INPP5D: variants seen among roughly 807,000 people sequenced by gnomAD.
INPP5D encodes inositol polyphosphate-5-phosphatase D, also known as phosphatidylinositol 3,4,5-trisphosphate 5-phosphatase 1.
A neutral mutation model predicts 122.9 loss-of-function variants in INPP5D; 33 were observed. The ratio of observed to expected loss-of-function variants is 0.27; its 90% CI spans 0.20 to 0.36. The LOEUF is 0.36. INPP5D is among the 10% of genes least tolerant of loss of function. The probability of loss-of-function intolerance (pLI) is 1.00; values close to 1 mark genes in which losing one functional copy is unlikely to be tolerated. For missense variants in INPP5D, 1,053 were observed against 1,412.7 expected (o/e 0.75, Z 4.08); for synonymous variants, 584 against 576.2 (o/e 1.01, Z -0.19).
intron 5 of INPP5D, among the ~76,000 whole-genome samples, chr2:233,133,301 G>A (rs900757881): frequency 6.6e-6 from 1 of 152,162 alleles, no homozygotes; most frequent in Admixed American, 6.5e-5. Flanking sequence ...CATTGGGTGG[G>A]AGAGTGCCAG....
chr2:233,093,697 A>G (rs78469546), intron 2 of INPP5D, among the ~76,000 whole-genome samples: 4 of 151,994 alleles, frequency 2.6e-5, no homozygotes, highest in African/African-American at 7.2e-5. Context: ...AAAAAAAAAA[A>G]AGACTTTATG....
At chr2:233,150,730 G>A (rs920961545) in intron 9 of INPP5D, among the ~76,000 whole-genome samples, 17 of 152,202 alleles carry the variant, frequency 1.1e-4, no homozygotes, top group African/African-American at 4.1e-4. Context: ...ATTTGCTGTG[G>A]AGAAGGGAAC....
intron 25 of INPP5D, among the ~76,000 whole-genome samples, chr2:233,200,761 C>A (rs770325448): frequency 1.5e-4 from 23 of 152,048 alleles, no homozygotes; most frequent in Non-Finnish European, 2.5e-4. Context: ...GAGTTTGAGA[C>A]CAGCCTGACC....
At position 233,170,120 on chromosome 2, in the gene INPP5D, T is replaced by C. The variant is rs765484253; in HGVS notation, c.1747T>C (p.Phe583Leu). ...CATCACTCACCGCTTCACGCACCTC[T>C]TCTGGTTTGGGGATCTTAACTACCG... is the stretch of plus-strand genomic sequence containing the variant. ...FNITHRFTHL[F>L]WFGDLNYRVD... The change falls in exon 15 of 27, where the codon TTC becomes CTC. Residue 583 changes from phenylalanine to leucine, a missense_variant. By Grantham distance (22) the Phe-to-Leu change is conservative. Coordinates refer to ENST00000445964, the MANE Select transcript of INPP5D (RefSeq NM_001017915.3). This position sits in a 1 kb window ranked among gnomAD's most constrained non-coding sequence, Gnocchi z 4.5. 1 of 1,614,060 alleles carries C rather than the reference T, an allele frequency of 6.2e-7. No individual in the cohort carries two copies. The highest frequency in any genetic ancestry group is 8.5e-7 in the Non-Finnish European group (1 of 1,179,902).
At chr2:233,083,596 T>C (rs1238038315) in intron 2 of INPP5D, among the ~76,000 whole-genome samples, 2 of 152,186 alleles carry the variant, frequency 1.3e-5, no homozygotes, top group South Asian at 4.2e-4. Context: ...CTTTCTTGAC[T>C]TGGAAAGGGA....
At chr2:233,081,201 G>A (rs1222054947) in intron 2 of INPP5D, among the ~76,000 whole-genome samples, 1 of 152,184 alleles carries the variant, frequency 6.6e-6, no homozygotes, top group Non-Finnish European at 1.5e-5. Context: ...TCTGACAGGG[G>A]CTCTTCACCA....
chr2:233,066,664 T>C (rs1366318147), intron 1 of INPP5D, among the ~76,000 whole-genome samples: 1 of 152,224 alleles, frequency 6.6e-6, no homozygotes, highest in East Asian at 1.9e-4. Context: ...TGGAGTGCAG[T>C]GGCATGATCT....
intron 22 of INPP5D, among the ~76,000 whole-genome samples, chr2:233,191,805 G>T (rs771535390): frequency 1.3e-5 from 2 of 152,200 alleles, no homozygotes; most frequent in East Asian, 3.8e-4. Context: ...ATTTATCCAC[G>T]TGCTTATTTA....
intron 2 of INPP5D, among the ~76,000 whole-genome samples, chr2:233,085,351 A>C (rs945459620): frequency 3.3e-4 from 50 of 151,314 alleles, no homozygotes; most frequent in African/African-American, 1.1e-3. Flanking sequence ...TCACCACTGC[A>C]CTCCAGCTGG....
chr2:233,088,466 C>T (rs1484832623), intron 2 of INPP5D, among the ~76,000 whole-genome samples: 1 of 152,232 alleles, frequency 6.6e-6, no homozygotes, highest in East Asian at 1.9e-4. Flanking sequence ...AGCCACATTT[C>T]CAGAGAAGGC....
intron 2 of INPP5D, among the ~76,000 whole-genome samples, chr2:233,109,799 G>A (rs1692567569): frequency 6.6e-6 from 1 of 150,630 alleles, no homozygotes; most frequent in Non-Finnish European, 1.5e-5. Flanking sequence ...TGTTGGCCAG[G>A]CTGGTCTCGA....
At chr2:233,141,946 T>A (rs1574760412) in intron 6 of INPP5D, among the ~76,000 whole-genome samples, 1 of 152,124 alleles carries the variant, frequency 6.6e-6, no homozygotes, top group South Asian at 2.1e-4. Context: ...GAAAAAAAAA[T>A]TTTTGCTTTC....
intron 25 of INPP5D, 86 bp downstream of exon 25, chr2:233,198,462 C>T (rs1695244135): frequency 1.3e-6 from 2 of 1,489,246 alleles, no homozygotes; most frequent in Non-Finnish European, 1.8e-6. Flanking sequence ...ATGGAAGCCT[C>T]ATAAGGGCCA....
chr2:233,149,704 G>A (rs1314693663), intron 9 of INPP5D, among the ~76,000 whole-genome samples: 1 of 152,164 alleles, frequency 6.6e-6, no homozygotes, highest in East Asian at 1.9e-4. Context: ...TGGGGTGCAA[G>A]TAGCCCAGTC....
chr2:233,158,799 G>C (rs562520008), intron 10 of INPP5D, among the ~76,000 whole-genome samples: 3 of 151,968 alleles, frequency 2.0e-5, no homozygotes, highest in Non-Finnish European at 4.4e-5. Context: ...TGACTGACTT[G>C]AGACAGCGTC....
intron 22 of INPP5D, 96 bp from the exon 23 acceptor site, chr2:233,193,716 T>C (rs2106322797): frequency 6.3e-7 from 1 of 1,597,566 alleles, no homozygotes; most frequent in Non-Finnish European, 8.5e-7. Context: ...TTGCCTGGGC[T>C]ATAGTTTCAA....
At chr2:233,084,797 G>A (rs771715397) in intron 2 of INPP5D, among the ~76,000 whole-genome samples, 2 of 152,242 alleles carry the variant, frequency 1.3e-5, no homozygotes, top group South Asian at 2.1e-4. Context: ...AGCCTAGCAC[G>A]GCCAGGGCTG....
In INPP5D at chr2:233,094,512, C is replaced by CAAAAAAAAAAAAAAAAAA. The variant is rs58284775; in HGVS notation, c.198+15127_198+15144dup. On this transcript the variant is annotated intron_variant, in intron 2 of 26. Transcript: ENST00000445964. ...TGGGCAATAGAGCAAGACTCCATCC[C>CAAAAAAAAAAAAAAAAAA]AAAAAAAAAAAAAAAAAAAAAAAAA... 6.6e-4 allele frequency among the ~76,000 whole-genome samples: 23 copies of CAAAAAAAAAAAAAAAAAA among 34,970 alleles called. 11 individuals are homozygous for CAAAAAAAAAAAAAAAAAA. The highest frequency in any genetic ancestry group is 1.5e-3 in the African/African-American group (12 of 8,252). 22.9% of individuals were successfully genotyped at this position (34,970 alleles called of 152,430 possible).
At chr2:233,064,933 A>G (rs2106194483) in intron 1 of INPP5D, among the ~76,000 whole-genome samples, 1 of 152,262 alleles carries the variant, frequency 6.6e-6, no homozygotes, top group East Asian at 1.9e-4. Context: ...TTCATATCTG[A>G]TATTGACAGT....
Sources: gnomAD v4.1 joint callset for allele counts (sites outside exome capture counted in the v4.1 genomes callset) on GRCh38, gnomAD v4.1.1 for gene constraint, Gnocchi (gnomAD v3.1) non-coding constraint, MANE v1.5 for transcripts, NCBI Gene and HGNC (gene_info 2026-07-23, HGNC 2026-07-21) for gene names.